UNC5D: variants seen among roughly 807,000 people sequenced by gnomAD.
UNC5D encodes the protein unc-5 netrin receptor D, also known as netrin receptor UNC5D.
UNC5D carries 39 observed loss-of-function variants against 105.4 expected under a neutral mutation model. The ratio of observed to expected loss-of-function variants is 0.37; its 90% CI spans 0.29 to 0.48. The LOEUF is 0.48. Among genes scored for constraint, UNC5D ranks in the 20% least tolerant of loss-of-function variants. UNC5D has a pLI of 0.98. For synonymous variants in UNC5D, 452 were observed against 450.4 expected (o/e 1.00, Z -0.04); for missense variants, 991 against 1,202.4 (o/e 0.82, Z 2.60).
intron 10 of UNC5D, chr8:35,727,635 C>G (rs1209511960): frequency 1.3e-5 from 2 of 152,114 alleles, no homozygotes; most frequent in African/African-American, 2.4e-5. Flanking sequence ...ACATATTTTA[C>G]TTCATCAAAA....
chr8:35,562,932 A>G lies in UNC5D; in HGVS notation c.323-5166A>G, dbSNP rs184040054. On this transcript the variant is annotated intron_variant, in intron 2 of 16. Coordinates refer to ENST00000404895, the MANE Select transcript of UNC5D (RefSeq NM_080872.4). ...CAATGTTTTCTTTGAGTGATTTCAT[A>G]GTTTCATATATTAGATTTGTTTTTA... is the stretch of plus-strand genomic sequence containing the variant. Among the ~76,000 whole-genome samples, 63 of 152,124 alleles carry G rather than the reference A, an allele frequency of 4.1e-4. 1 individual carries two copies. Among genetic ancestry groups the G allele is most frequent in the African/African-American group, 1.5e-3 (62 of 41,538 alleles).
In UNC5D at chr8:35,635,698, C is replaced by T. The variant is rs184051587; in HGVS notation, c.570+40041C>T. ...TATTTATTTGTAATTTATACCCTGC[C>T]GGCTTTCACAAAAGGACTTGAGCAG... On this transcript the variant is annotated intron_variant, in intron 4 of 16. Transcript: ENST00000404895. Among the ~76,000 whole-genome samples, 4 of 152,126 alleles carry T rather than the reference C, an allele frequency of 2.6e-5. No individual in the cohort carries two copies. The East Asian group carries it at 5.8e-4, about 22-fold the overall frequency.
In UNC5D at chr8:35,351,116, G is replaced by C. The variant is rs186114506; in HGVS notation, c.103+115229G>C. 2.6e-3 allele frequency among the ~76,000 whole-genome samples: 399 copies of C among 152,130 alleles called. 2 individuals are homozygous for C. The highest frequency in any genetic ancestry group is 9.2e-3 in the African/African-American group (384 of 41,550). ...ATAAGCAGACAAGCTTAAAACAGTA[G>C]CATAAATATACTTAAGCCTGAGGCA... On this transcript the variant is annotated intron_variant, in intron 1 of 16. Transcript: ENST00000404895.
chr8:35,548,367 A>G (rs1815853518), intron 1 of UNC5D, among the ~76,000 whole-genome samples: 1 of 152,188 alleles, frequency 6.6e-6, no homozygotes, highest in Non-Finnish European at 1.5e-5. Flanking sequence ...TTGGTCTTAC[A>G]GTAGAATGGC....
At chr8:35,664,334 G>T (rs929780473) in intron 4 of UNC5D, among the ~76,000 whole-genome samples, 1 of 152,052 alleles carries the variant, frequency 6.6e-6, no homozygotes, top group East Asian at 1.9e-4. Flanking sequence ...TTTTAATTGG[G>T]TTGAGTCCAA....
intron 4 of UNC5D, among the ~76,000 whole-genome samples, chr8:35,609,697 A>T (rs1056292757): frequency 3.9e-5 from 6 of 152,188 alleles, no homozygotes; most frequent in African/African-American, 1.4e-4. Flanking sequence ...TCATGTAATC[A>T]TTACTGTGAA....
intron 4 of UNC5D, among the ~76,000 whole-genome samples, chr8:35,653,208 G>A (rs751257991): frequency 3.3e-5 from 5 of 152,066 alleles, no homozygotes; most frequent in African/African-American, 4.8e-5. Flanking sequence ...GATTACAGGC[G>A]TGAGCCACTG....
chr8:35,652,093 T>C (rs1193453892), intron 4 of UNC5D, among the ~76,000 whole-genome samples: 15 of 152,182 alleles, frequency 9.9e-5, no homozygotes, highest in Admixed American at 9.8e-4. Flanking sequence ...TTATAGAAGT[T>C]GTTATATATG....
chr8:35,640,220 C>T (rs868273565), intron 4 of UNC5D, among the ~76,000 whole-genome samples: 1 of 151,878 alleles, frequency 6.6e-6, no homozygotes, highest in Non-Finnish European at 1.5e-5. Flanking sequence ...AACGTTAAAC[C>T]CAAGCTAGGC....
chr8:35,632,796 C>G (rs1822123343), intron 4 of UNC5D, among the ~76,000 whole-genome samples: 1 of 152,174 alleles, frequency 6.6e-6, no homozygotes, highest in Non-Finnish European at 1.5e-5. Flanking sequence ...GGAGAGGAGT[C>G]TAGGCTGGCC....
At chr8:35,536,531 T>G (rs1167202615) in intron 1 of UNC5D, among the ~76,000 whole-genome samples, 2 of 152,210 alleles carry the variant, frequency 1.3e-5, no homozygotes, top group African/African-American at 4.8e-5. Context: ...TTTTTATTTT[T>G]TAAAGATGTA....
At chr8:35,508,295 G>C (rs947866398) in intron 1 of UNC5D, among the ~76,000 whole-genome samples, 1 of 152,190 alleles carries the variant, frequency 6.6e-6, no homozygotes. Flanking sequence ...TTAAGTCTAT[G>C]ATTGTTTTCA....
intron 1 of UNC5D, among the ~76,000 whole-genome samples, chr8:35,453,260 T>A (rs1808284630): frequency 6.6e-6 from 1 of 152,128 alleles, no homozygotes; most frequent in Admixed American, 6.6e-5. Context: ...CCAGAGTTAT[T>A]TTTTTAGCCA....
chr8:35,477,263 C>A (rs1585932434), intron 1 of UNC5D, among the ~76,000 whole-genome samples: 1 of 152,048 alleles, frequency 6.6e-6, no homozygotes, highest in East Asian at 1.9e-4. Flanking sequence ...TAAGAATTTC[C>A]TTTTCATTTC....
chr8:35,774,880 T>C (rs949412276), intron 16 of UNC5D, among the ~76,000 whole-genome samples: 5 of 145,018 alleles, frequency 3.4e-5, no homozygotes, highest in Non-Finnish European at 4.4e-5. Context: ...TGAGCCAAGA[T>C]TGCACCACTG....
At chr8:35,669,220 T>A (rs1188877212) in intron 4 of UNC5D, among the ~76,000 whole-genome samples, 1 of 152,174 alleles carries the variant, frequency 6.6e-6, no homozygotes, top group African/African-American at 2.4e-5. Flanking sequence ...ACTATATGCA[T>A]CACTGAATTA....
chr8:35,249,224 C>T (rs896468373), intron 1 of UNC5D, among the ~76,000 whole-genome samples: 2 of 146,504 alleles, frequency 1.4e-5, no homozygotes, highest in African/African-American at 5.0e-5. Context: ...CTCAAAAAGC[C>T]ATAAATTTAC....
chr8:35,652,018 T>TA, intron 4 of UNC5D, among the ~76,000 whole-genome samples: 1 of 152,270 alleles, frequency 6.6e-6, no homozygotes, highest in South Asian at 2.1e-4. Context: ...GGCTACACAC[T>TA]AAAAAATAAG....
chr8:35,545,030 A>G (rs1815547537), intron 1 of UNC5D, among the ~76,000 whole-genome samples: 2 of 152,170 alleles, frequency 1.3e-5, no homozygotes, highest in Non-Finnish European at 2.9e-5. Flanking sequence ...TGATTTTTCC[A>G]GCCTCTGCTG....
Sources: allele counts gnomAD v4.1 joint callset (sites outside exome capture counted in the v4.1 genomes callset), GRCh38; gene constraint gnomAD v4.1.1; transcripts MANE v1.5; gene names NCBI Gene and HGNC (gene_info 2026-07-23, HGNC 2026-07-21).